MGRN1: variants seen among roughly 807,000 people sequenced by gnomAD.
MGRN1 encodes the protein E3 ubiquitin-protein ligase MGRN1.
MGRN1 carries 29 observed loss-of-function variants against 69.2 expected under a neutral mutation model. The ratio of observed to expected loss-of-function variants is 0.42; its 90% confidence interval spans 0.31 to 0.57. MGRN1 has a LOEUF of 0.57. Ranked by LOEUF, MGRN1 falls within the 20% of genes least tolerant of loss-of-function variation. The pLI is 0.15. For synonymous variants in MGRN1, 470 were observed against 344.2 expected, an observed-to-expected ratio of 1.37 and a Z score of -4.04; for missense variants, 998 against 796.2, an observed-to-expected ratio of 1.25 and a Z score of -3.05.
At chr16:4,677,263 C>G (rs947609790) in intron 10 of MGRN1, 200 bp from the exon 11 acceptor site, 11 of 450,774 alleles carry the variant, frequency 2.4e-5, no homozygotes, top group Admixed American at 2.3e-4. Context: ...CTGCTTCTTT[C>G]TTTCTTCCCC....
Position 4,668,330 on chromosome 16 carries a change from A to G in MGRN1, c.726+18A>G, listed in dbSNP as rs1272617176. 1 of 1,613,168 alleles carries G rather than the reference A, an allele frequency of 6.2e-7. No homozygotes were observed. Among genetic ancestry groups the G allele is most frequent in the East Asian group, 2.2e-5 (1 of 44,886 alleles). On this transcript the variant is annotated intron_variant, in intron 8 of 16. Transcript: ENST00000262370. Reference sequence around the variant, plus strand: ...AGCAAATTGTAAGTCATCAGAGGAAATATGACGTGCTTGAATTAAAAGACA... The same window carrying G: ...AGCAAATTGTAAGTCATCAGAGGAAGTATGACGTGCTTGAATTAAAAGACA...
chr16:4,638,987 T>C (rs2078096956), intron 1 of MGRN1, among the ~76,000 whole-genome samples: 1 of 152,116 alleles, frequency 6.6e-6, no homozygotes, highest in South Asian at 2.1e-4. Flanking sequence ...CAGTGCAGGC[T>C]CTGGAGTCTG....
Position 4,656,305 on chromosome 16 carries a change from G to A in MGRN1, c.444-941G>A, listed in dbSNP as rs548920341. Among the ~76,000 whole-genome samples, 12 of 152,346 alleles carry A rather than the reference G, an allele frequency of 7.9e-5. No individual in the cohort carries two copies. In the East Asian group the frequency reaches 9.6e-4, roughly 12 times the overall value. On this transcript the variant is annotated intron_variant, in intron 4 of 16. Transcript: ENST00000262370. ...TGACCATCTGCTGGTGTCCCCCAGG[G>A]GCCCTGACTGAATCAGTAAAACCAA...
At chr16:4,671,536 C>G in intron 9 of MGRN1, 77 bp downstream of exon 9, 1 of 1,393,048 alleles carries the variant, frequency 7.2e-7, no homozygotes, top group Non-Finnish European at 1.0e-6. Flanking sequence ...CAATGCTTGC[C>G]GGTTCCCTTC....
chr16:4,677,812 T>G (rs1422169444), intron 11 of MGRN1, among the ~76,000 whole-genome samples: 19 of 141,646 alleles, frequency 1.3e-4, no homozygotes, highest in African/African-American at 5.0e-4. Context: ...CTGAGCGCGG[T>G]CGAGGTCTCG....
rs570442881 is a variant in MGRN1 at position 4,681,463 on chromosome 16, C to T, written c.1132-87C>T. The T allele has an allele frequency of 2.5e-5, 33 of 1,301,148 alleles. No homozygotes were observed. In the African/African-American group the frequency reaches 4.7e-4, roughly 19 times the overall value. The allele number at this position is 1,301,148 out of a possible 1,614,324, so 80.6% of individuals were successfully genotyped here. On this transcript the variant is annotated intron_variant, in intron 12 of 16. Coordinates refer to ENST00000262370, the MANE Select transcript of MGRN1 (RefSeq NM_015246.4). ...GGGGGAGTCTCAATCCCCCAAAGAA[C>T]AGAGTGGACAGGAGGTCATCAGGAG...
chr16:4,637,219 C>T (rs1290994358), intron 1 of MGRN1, among the ~76,000 whole-genome samples: 1 of 151,106 alleles, frequency 6.6e-6, no homozygotes, highest in Admixed American at 6.6e-5. Context: ...CACCTCAGGT[C>T]AGGAGTTGAA....
chr16:4,677,227 C>A (rs981840532), intron 10 of MGRN1: 1 of 403,420 alleles, frequency 2.5e-6, no homozygotes, highest in Non-Finnish European at 4.4e-6. Context: ...TGGAGCGCCC[C>A]CTCCCTCTAT....
At chr16:4,682,293 GC>G (rs1386953454) in intron 13 of MGRN1, among the ~76,000 whole-genome samples, 2 of 152,260 alleles carry the variant, frequency 1.3e-5, no homozygotes, top group African/African-American at 4.8e-5. Context: ...TCATACGACA[GC>G]CTTCGGAGGG....
In MGRN1 at chr16:4,662,095, C is replaced by T. The variant is rs528188110; in HGVS notation, c.562-2614C>T. Among the ~76,000 whole-genome samples the T allele has an allele frequency of 5.9e-5, 9 of 152,284 alleles. No individual in the cohort carries two copies. The East Asian group carries it at 1.7e-3, about 29-fold the overall frequency. ...CTTTCTTGACACTGATGTTTGTCCC[C>T]GTCCCCTTCTCCTGACTGCTGTCTG... is the stretch of plus-strand genomic sequence containing the variant. On this transcript the variant is annotated intron_variant, in intron 5 of 16. Transcript: ENST00000262370.
intron 13 of MGRN1, among the ~76,000 whole-genome samples, chr16:4,682,550 G>A (rs542679142): frequency 2.0e-5 from 3 of 152,348 alleles, no homozygotes; most frequent in African/African-American, 4.8e-5. Context: ...AACCACCAGC[G>A]GTTTCTCTTC....
intron 16 of MGRN1, among the ~76,000 whole-genome samples, chr16:4,684,223 G>A (rs1033848429): frequency 5.9e-5 from 9 of 152,250 alleles, no homozygotes; most frequent in African/African-American, 2.2e-4. Flanking sequence ...ACGCGAGAGA[G>A]GCTGCCTGTG....
intron 7 of MGRN1, among the ~76,000 whole-genome samples, chr16:4,667,563 A>T (rs1209656827): frequency 1.3e-5 from 2 of 152,216 alleles, no homozygotes; most frequent in Non-Finnish European, 2.9e-5. Flanking sequence ...CCAGTGGGAA[A>T]CTGCTTTATT....
intron 6 of MGRN1, 59 bp downstream of exon 6, chr16:4,664,834 C>G (rs1442073879): frequency 2.5e-6 from 4 of 1,592,934 alleles, no homozygotes; most frequent in South Asian, 1.1e-5. Context: ...GGAAGCACGT[C>G]TTGAGGGAGG....
intron 1 of MGRN1, among the ~76,000 whole-genome samples, chr16:4,628,012 G>A (rs1416527821): frequency 6.7e-5 from 10 of 149,814 alleles, no homozygotes; most frequent in Middle Eastern, 3.4e-3. Flanking sequence ...CCCAGGAGGC[G>A]GAGGTTGCAG....
chr16:4,688,018 G>C, intron 16 of MGRN1: 4 of 985,574 alleles, frequency 4.1e-6, no homozygotes, highest in Non-Finnish European at 4.8e-6. Flanking sequence ...TCCGGAGCTG[G>C]GGAGTGCAGG....
At chr16:4,676,244 G>C (rs948043273) in intron 10 of MGRN1, among the ~76,000 whole-genome samples, 2 of 152,198 alleles carry the variant, frequency 1.3e-5, no homozygotes, top group African/African-American at 4.8e-5. Flanking sequence ...GCTGTCTGTC[G>C]GCCTCTCCTG....
intron 1 of MGRN1, among the ~76,000 whole-genome samples, chr16:4,646,918 G>C (rs2078286658): frequency 6.6e-6 from 1 of 152,004 alleles, no homozygotes; most frequent in Non-Finnish European, 1.5e-5. Context: ...CCTCGGCCTG[G>C]AAGGCCTGGC....
At chr16:4,660,176 A>G (rs2078644610) in intron 5 of MGRN1, among the ~76,000 whole-genome samples, 1 of 152,212 alleles carries the variant, frequency 6.6e-6, no homozygotes, top group South Asian at 2.1e-4. Context: ...ACATGTGTGG[A>G]GGGGCTGGGG....
Sources: gnomAD v4.1 joint callset for allele counts (sites outside exome capture counted in the v4.1 genomes callset) on GRCh38, gnomAD v4.1.1 for gene constraint, MANE v1.5 for transcripts, NCBI Gene and HGNC (gene_info 2026-07-23, HGNC 2026-07-21) for gene names.